The following GRIK1 variants were observed in gnomAD, a reference collection of about 807,000 sequenced individuals.
GRIK1 encodes the protein glutamate receptor ionotropic, kainate 1.
In GRIK1, 69 loss-of-function variants were observed where a neutral mutation model predicts 105.7. The ratio of observed to expected loss-of-function variants is 0.65; its 90% CI spans 0.54 to 0.80. The LOEUF is 0.80. GRIK1 is among the 30% of genes least tolerant of loss of function. The pLI, the probability that GRIK1 is intolerant of heterozygous loss-of-function variation, is 0.00. For synonymous variants in GRIK1, 438 were observed against 431.3 expected (o/e 1.02, Z -0.19); for missense variants, 1,109 against 1,167.3 (o/e 0.95, Z 0.73).
intron 7 of GRIK1, among the ~76,000 whole-genome samples, chr21:29,600,420 C>T (rs1014449654): frequency 6.6e-6 from 1 of 152,150 alleles, no homozygotes; most frequent in Non-Finnish European, 1.5e-5. Context: ...TTGGGAGAGT[C>T]TTCAGCTTCA....
rs867298963 is a variant in GRIK1, at chr21:29,725,877, C to T, written c.119-31814G>A. ...ATGATTGTCTCGTCTGCCTCCCACA[C>T]GCAAAACAAGGGTGGATTTCTGATT... On this transcript the variant is annotated intron_variant, in intron 1 of 17. Coordinates refer to ENST00000327783, the MANE Select transcript of GRIK1 (RefSeq NM_001330994.2). Among the ~76,000 whole-genome samples the T allele has an allele frequency of 7.2e-5, 11 of 152,308 alleles. No individual in the cohort carries two copies. In the East Asian group the frequency reaches 1.2e-3, roughly 16 times the overall value.
At chr21:29,648,822 T>C (rs900541504) in intron 6 of GRIK1, among the ~76,000 whole-genome samples, 1 of 152,126 alleles carries the variant, frequency 6.6e-6, no homozygotes, top group Admixed American at 6.5e-5. Context: ...TGGCATTTTG[T>C]AGCCTGGATA....
At chr21:29,624,358 A>T (rs1010567634) in intron 7 of GRIK1, among the ~76,000 whole-genome samples, 1 of 152,156 alleles carries the variant, frequency 6.6e-6, no homozygotes, top group African/African-American at 2.4e-5. Flanking sequence ...CCTGTTTTCC[A>T]TTGCAGAATA....
intron 4 of GRIK1, among the ~76,000 whole-genome samples, chr21:29,662,412 A>T (rs937926572): frequency 6.6e-6 from 1 of 152,248 alleles, no homozygotes; most frequent in Non-Finnish European, 1.5e-5. Context: ...TCTAGGGAAA[A>T]TTGGTGGAAA....
At chr21:29,755,000 G>T (rs1445713296) in intron 1 of GRIK1, among the ~76,000 whole-genome samples, 2 of 151,832 alleles carry the variant, frequency 1.3e-5, no homozygotes, top group African/African-American at 4.8e-5. Flanking sequence ...TATCTATCTT[G>T]GTTATATGTT....
intron 1 of GRIK1, among the ~76,000 whole-genome samples, chr21:29,736,087 T>A (rs1191841586): frequency 6.6e-6 from 1 of 152,174 alleles, no homozygotes; most frequent in Non-Finnish European, 1.5e-5. Context: ...ATAGAATATT[T>A]GTAAACAGCC....
At chr21:29,895,550 T>C (rs934685885) in intron 1 of GRIK1, among the ~76,000 whole-genome samples, 3 of 152,194 alleles carry the variant, frequency 2.0e-5, no homozygotes, top group African/African-American at 7.2e-5. Context: ...CCTTAGCCCA[T>C]CCATGTCTCT....
intron 16 of GRIK1, among the ~76,000 whole-genome samples, chr21:29,543,648 C>A (rs543564169): frequency 6.6e-6 from 1 of 152,062 alleles, no homozygotes; most frequent in Non-Finnish European, 1.5e-5. Flanking sequence ...ACCATATTAG[C>A]TTTTAGAATA....
chr21:29,661,336 A>C (rs1324226588), intron 4 of GRIK1, among the ~76,000 whole-genome samples: 1 of 152,194 alleles, frequency 6.6e-6, no homozygotes, highest in Non-Finnish European at 1.5e-5. Context: ...CTTTACCTGG[A>C]GATGGATTTT....
intron 7 of GRIK1, among the ~76,000 whole-genome samples, chr21:29,618,210 G>A (rs1192330984): frequency 6.6e-6 from 1 of 152,204 alleles, no homozygotes; most frequent in Non-Finnish European, 1.5e-5. Context: ...ATGGCTGCAT[G>A]AAATCGATTG....
chr21:29,804,078 T>C (rs2066787563), intron 1 of GRIK1, among the ~76,000 whole-genome samples: 1 of 152,154 alleles, frequency 6.6e-6, no homozygotes, highest in South Asian at 2.1e-4. Context: ...GCATTAGATG[T>C]CTTGACCCCA....
intron 1 of GRIK1, among the ~76,000 whole-genome samples, chr21:29,888,003 T>C (rs1045456837): frequency 1.3e-5 from 2 of 151,408 alleles, no homozygotes; most frequent in Non-Finnish European, 2.9e-5. Flanking sequence ...TCAGGTGAAC[T>C]ATGGTAAAAA....
At chr21:29,696,780 A>G (rs977501318) in intron 1 of GRIK1, among the ~76,000 whole-genome samples, 1 of 152,222 alleles carries the variant, frequency 6.6e-6, no homozygotes, top group East Asian at 1.9e-4. Context: ...GGAAAAGTCA[A>G]TCACTGGCAT....
At chr21:29,571,504 A>G (rs2090749184) in intron 14 of GRIK1, among the ~76,000 whole-genome samples, 1 of 152,218 alleles carries the variant, frequency 6.6e-6, no homozygotes, top group African/African-American at 2.4e-5. Flanking sequence ...TCTAAAATGT[A>G]GAGTGTCATG....
chr21:29,811,056 T>C (rs2066997249), intron 1 of GRIK1, among the ~76,000 whole-genome samples: 1 of 152,168 alleles, frequency 6.6e-6, no homozygotes, highest in African/African-American at 2.4e-5. Flanking sequence ...TGCCTCTATT[T>C]CATTCAGCTT....
intron 1 of GRIK1, among the ~76,000 whole-genome samples, chr21:29,754,091 C>T (rs1358528617): frequency 6.6e-6 from 1 of 152,110 alleles, no homozygotes; most frequent in Non-Finnish European, 1.5e-5. Flanking sequence ...GATACGGTGA[C>T]AACTCTGTGT....
At chr21:29,868,904 C>T (rs777185997) in intron 1 of GRIK1, among the ~76,000 whole-genome samples, 3 of 152,130 alleles carry the variant, frequency 2.0e-5, no homozygotes, top group Admixed American at 6.6e-5. Flanking sequence ...CCTGAAAAAA[C>T]AGAGGTTTGT....
At chr21:29,812,948 A>G (rs2037057232) in intron 1 of GRIK1, among the ~76,000 whole-genome samples, 1 of 152,134 alleles carries the variant, frequency 6.6e-6, no homozygotes, top group Non-Finnish European at 1.5e-5. Flanking sequence ...ATGCTAAGAG[A>G]AAAAATTGTA....
chr21:29,883,024 C>A (rs1190181681), intron 1 of GRIK1, among the ~76,000 whole-genome samples: 1 of 152,070 alleles, frequency 6.6e-6, no homozygotes, highest in Non-Finnish European at 1.5e-5. Context: ...CTCCTTCAGG[C>A]TTTAACATAG....
Sources: allele counts gnomAD v4.1 joint callset (sites outside exome capture counted in the v4.1 genomes callset), GRCh38; gene constraint gnomAD v4.1.1; transcripts MANE v1.5; gene names NCBI Gene and HGNC (gene_info 2026-07-23, HGNC 2026-07-21).